Variants in RBM7 observed in about 807,000 individuals in gnomAD.
RBM7 encodes RNA binding motif protein 7.
A neutral mutation model predicts 31.0 loss-of-function variants in RBM7; 13 were observed. That is an observed-to-expected ratio of 0.42 (90% CI 0.27 to 0.67). RBM7 has a LOEUF of 0.67. Ranked by LOEUF, RBM7 falls within the 30% of genes least tolerant of loss-of-function variation. The probability of loss-of-function intolerance (pLI) is 0.24; values close to 1 mark genes in which losing one functional copy is unlikely to be tolerated. For missense variants in RBM7, 245 were observed against 326.2 expected (o/e 0.75, Z 1.92); for synonymous variants, 106 against 111.2 (o/e 0.95, Z 0.30).
intron 1 of RBM7, 54 bp from the exon 2 acceptor site, chr11:114,401,644 G>T: frequency 3.8e-6 from 5 of 1,318,326 alleles, no homozygotes; most frequent in South Asian, 1.7e-5. Context: ...TGTAAAATTT[G>T]AGTATTTTCC....
intron 3 of RBM7, among the ~76,000 whole-genome samples, chr11:114,405,315 T>C (rs1264566598): frequency 2.6e-5 from 4 of 152,238 alleles, no homozygotes; most frequent in Non-Finnish European, 4.4e-5. Flanking sequence ...AGTAACACTT[T>C]GTTTAGGGAA....
intron 3 of RBM7, among the ~76,000 whole-genome samples, chr11:114,404,358 T>C (rs1013372140): frequency 6.6e-6 from 1 of 152,170 alleles, no homozygotes; most frequent in Non-Finnish European, 1.5e-5. Context: ...GAAAGTGGAA[T>C]AGTGAGCCAG....
Position 114,407,686 on chromosome 11 carries a change from A to G in RBM7, c.683A>G (p.His228Arg), listed in dbSNP as rs1427093587. 11 of 1,614,212 alleles carry G rather than the reference A, an allele frequency of 6.8e-6. No individual in the cohort carries two copies. The highest frequency in any genetic ancestry group is 9.3e-6 in the Non-Finnish European group (11 of 1,180,028). Residue 228 changes from histidine (H) to arginine (R), a missense_variant, in exon 5 of 5, where the codon CAT becomes CGT. Transcript: ENST00000375490. The stretch of plus-strand genomic sequence containing the variant: ...TACACTGATCATGGGTCTGACCATC[A>G]TTACAGAGGAAAGAGAGATGATTTC... The part of the protein sequence containing the change: ...QRYTDHGSDH[H>R]YRGKRDDFFY...
chr11:114,406,556 C>G (rs1341216546), intron 4 of RBM7: 3 of 152,220 alleles, frequency 2.0e-5, no homozygotes, highest in African/African-American at 7.2e-5. Context: ...TTTCCCCTCA[C>G]TAGTTCATCT....
At chr11:114,407,196 G>A (rs751502169) in intron 4 of RBM7, 3 of 346,984 alleles carry the variant, frequency 8.6e-6, no homozygotes, top group Non-Finnish European at 1.6e-5. Context: ...TTTACACAGT[G>A]ATTTTGCATT....
At chr11:114,403,835 C>T (rs1164559619) in intron 3 of RBM7, among the ~76,000 whole-genome samples, 1 of 152,130 alleles carries the variant, frequency 6.6e-6, no homozygotes, top group East Asian at 1.9e-4. Flanking sequence ...GATGTATTAT[C>T]TAGAGGAGCT....
intron 2 of RBM7, 190 bp downstream of exon 2, chr11:114,402,050 T>C (rs1394265330): frequency 1.8e-6 from 1 of 544,120 alleles, no homozygotes; most frequent in African/African-American, 2.0e-5. Flanking sequence ...AAATTAGAAT[T>C]TCAAAACTGA....
At chr11:114,405,673 G>C (rs1433374263) in intron 3 of RBM7, 33 bp from the exon 4 acceptor site, 1 of 1,428,414 alleles carries the variant, frequency 7.0e-7, no homozygotes, top group African/African-American at 1.4e-5. Flanking sequence ...AATATTTATT[G>C]AATGAATGGT....
rs772286712 is a variant in RBM7, at chr11:114,407,659, G to A, written c.656G>A (p.Arg219His). ...LADRHYSREQ[R>H]YTDHGSDHHY... is the part of the protein sequence containing the mutation. Reference sequence around the variant, plus strand: ...GATAGACATTATAGCCGGGAACAGCGTTACACTGATCATGGGTCTGACCAT... The same window carrying A: ...GATAGACATTATAGCCGGGAACAGCATTACACTGATCATGGGTCTGACCAT... The change falls in exon 5 of 5, where the codon CGT (arginine) becomes CAT (histidine). Residue 219 changes from arginine to histidine, a missense_variant. Arg to His is a conservative substitution (Grantham distance 29). Transcript: ENST00000375490. The A allele has an allele frequency of 2.2e-5, 36 of 1,613,980 alleles. No homozygotes were observed. Among genetic ancestry groups the A allele is most frequent in the African/African-American group, 4.0e-5 (3 of 74,900 alleles).
rs892728384 is a variant in RBM7 at position 114,400,680 on chromosome 11, G to A, written c.9G>A (p.Ala3=). MG[A]AAAEADRTLF... ...GAGGGGGCGACGCTGAGATGGGGGC[G>A]GCGGCGGCGGAAGCGGATCGCACTC... The change falls in exon 1 of 5, where the codon GCG becomes GCA. Residue 3 remains alanine (A), a synonymous_variant. Transcript: ENST00000375490. 1.9e-6 allele frequency: 3 copies of A among 1,614,196 alleles called. No homozygotes were observed. Among genetic ancestry groups the A allele is most frequent in the Non-Finnish European group, 2.5e-6 (3 of 1,180,022 alleles).
In RBM7 at chr11:114,410,383, C is replaced by T. The variant is rs1946321371; in HGVS notation, c.*2576C>T. On this transcript the variant is annotated 3_prime_UTR_variant, in exon 5 of 5. Coordinates refer to ENST00000375490, the MANE Select transcript of RBM7 (RefSeq NM_001286045.2). ...CCTAGTATTTTCTACCTTTCCCCAT[C>T]TAAAATAAAATTTTTATACCACTTT... is the stretch of plus-strand genomic sequence containing the variant. 1 of 152,156 alleles carries T rather than the reference C, an allele frequency of 6.6e-6. No individual in the cohort carries two copies. The highest frequency in any genetic ancestry group is 6.5e-5 in the Admixed American group (1 of 15,276). The allele number at this position is 152,156 out of a possible 1,614,324, so 9.4% of individuals were successfully genotyped here.
chr11:114,404,868 T>A (rs1215456647), intron 3 of RBM7, among the ~76,000 whole-genome samples: 1 of 152,216 alleles, frequency 6.6e-6, no homozygotes, highest in African/African-American at 2.4e-5. Flanking sequence ...GCTATTTGAT[T>A]CTAAAGACAT....
chr11:114,407,384 C>T, intron 4 of RBM7, 61 bp from the exon 5 acceptor site: 1 of 1,519,528 alleles, frequency 6.6e-7, no homozygotes, highest in Non-Finnish European at 8.9e-7. Context: ...GTTAACTGAC[C>T]AAATACATAT....
intron 4 of RBM7, 71 bp from the exon 5 acceptor site, chr11:114,407,374 G>C: frequency 1.3e-6 from 2 of 1,490,588 alleles, no homozygotes; most frequent in Non-Finnish European, 9.0e-7. Context: ...TTCATTTTCT[G>C]TTAACTGACC....
chr11:114,406,489 A>C (rs1290485279), intron 4 of RBM7: 1 of 152,220 alleles, frequency 6.6e-6, no homozygotes, highest in East Asian at 1.9e-4. Flanking sequence ...ATCATATACT[A>C]ATATTTATCC....
chr11:114,408,360 A>T lies in RBM7; in HGVS notation c.*553A>T, dbSNP rs1946295678. On this transcript the variant is annotated 3_prime_UTR_variant, in exon 5 of 5. Coordinates refer to ENST00000375490, the MANE Select transcript of RBM7 (RefSeq NM_001286045.2). ...CTTGAGCTTTACCCTAGTTGAACAT[A>T]CATGTGTAGATTTACACATACTGTT... is the stretch of plus-strand genomic sequence containing the variant. The T allele has an allele frequency of 6.5e-6, 1 of 152,848 alleles. No individual in the cohort carries two copies. Among genetic ancestry groups the T allele is most frequent in the South Asian group, 2.1e-4 (1 of 4,836 alleles). The allele number at this position is 152,848 out of a possible 1,614,324, so 9.5% of individuals were successfully genotyped here. A position where few individuals can be genotyped will look rare whatever the true frequency, so the allele number is the denominator to read the frequency against.
Position 114,402,834 on chromosome 11 carries a change from G to T in RBM7, c.266G>T (p.Ser89Ile). 1 of 1,611,796 alleles carries T rather than the reference G, an allele frequency of 6.2e-7. No homozygotes were observed. The highest frequency in any genetic ancestry group is 8.5e-7 in the Non-Finnish European group (1 of 1,178,128). ...TCAAATTGTTTCATTTTAGGAAGTAGTCATGCCCCACAAGATGTCAGTTTG... is the reference window on the plus strand; with the variant it reads ...TCAAATTGTTTCATTTTAGGAAGTATTCATGCCCCACAAGATGTCAGTTTG... The part of the protein sequence containing the change: ...PIKIQFRSGS[S>I]HAPQDVSLSY... Residue 89 changes from serine (S) to isoleucine (I), a missense_variant, in exon 3 of 5, where the codon AGT becomes ATT. Ser to Ile is a moderately radical substitution (Grantham distance 142, BLOSUM62 -2). Coordinates refer to ENST00000375490, the MANE Select transcript of RBM7 (RefSeq NM_001286045.2).
In RBM7 at chr11:114,400,785, GC is replaced by G; in HGVS notation, c.96+21del. The stretch of plus-strand genomic sequence containing the variant: ...TCCACCAGGTAAGCGGCTGGGTTCG[GC>G]CCTTTGCCTTTCGTTTTCCGTCTCG... On this transcript the variant is annotated intron_variant, in intron 1 of 4. Coordinates refer to ENST00000375490, the MANE Select transcript of RBM7 (RefSeq NM_001286045.2). 2 of 1,613,994 alleles carry G rather than the reference GC, an allele frequency of 1.2e-6. No individual in the cohort carries two copies. The highest frequency in any genetic ancestry group is 1.7e-6 in the Non-Finnish European group (2 of 1,179,898).
rs1436721880 is a variant in RBM7 at position 114,409,705 on chromosome 11, A to T, written c.*1898A>T. 1 of 152,100 alleles carries T rather than the reference A, an allele frequency of 6.6e-6. No individual in the cohort carries two copies. The highest frequency in any genetic ancestry group is 1.5e-5 in the Non-Finnish European group (1 of 68,012). The allele number at this position is 152,100 out of a possible 1,614,324, so 9.4% of individuals were successfully genotyped here. Reference sequence around the variant, plus strand: ...TATTACAACGTTATCTGTGGGTCGGATCCTTTTATATTGGTTAACAGATGA... The same window carrying T: ...TATTACAACGTTATCTGTGGGTCGGTTCCTTTTATATTGGTTAACAGATGA... On this transcript the variant is annotated 3_prime_UTR_variant, in exon 5 of 5. Transcript: ENST00000375490.
Sources: allele counts gnomAD v4.1 joint callset (sites outside exome capture counted in the v4.1 genomes callset), GRCh38; gene constraint gnomAD v4.1.1; transcripts MANE v1.5; gene names NCBI Gene and HGNC (gene_info 2026-07-23, HGNC 2026-07-21).